CADM2: variants seen among roughly 807,000 people sequenced by gnomAD.
CADM2 encodes cell adhesion molecule 2.
A neutral mutation model predicts 49.8 loss-of-function variants in CADM2; 12 were observed. The observed-to-expected ratio is 0.24, with a 90% CI of 0.15 to 0.39. The LOEUF (loss-of-function observed/expected upper bound fraction) is 0.39. CADM2 is among the 10% of genes least tolerant of loss of function. The probability of loss-of-function intolerance (pLI) is 1.00; values close to 1 mark genes in which losing one functional copy is unlikely to be tolerated. For missense variants in CADM2, 378 were observed against 492.3 expected (o/e 0.77, Z 2.20); for synonymous variants, 214 against 175.4 (o/e 1.22, Z -1.74).
chr3:85,070,975 C>A, intron 1 of CADM2, among the ~76,000 whole-genome samples: 1 of 145,296 alleles, frequency 6.9e-6, no homozygotes, highest in East Asian at 2.0e-4. Context: ...GGCAATAGAG[C>A]GAAACTCTGT....
intron 6 of CADM2, among the ~76,000 whole-genome samples, chr3:85,928,158 A>AT (rs11328574): frequency 0.011 from 1,502 of 130,646 alleles, 16 homozygotes; most frequent in Middle Eastern, 0.024. Context: ...TAAAAGAAGA[A>AT]TTTTTTTTTT....
chr3:85,406,132 C>T (rs1484181812), intron 1 of CADM2, among the ~76,000 whole-genome samples: 2 of 151,944 alleles, frequency 1.3e-5, no homozygotes, highest in African/African-American at 2.4e-5. Context: ...TAGACAATTT[C>T]GTATTTCACT....
At chr3:85,105,951 G>C (rs945549833) in intron 1 of CADM2, among the ~76,000 whole-genome samples, 1 of 151,908 alleles carries the variant, frequency 6.6e-6, no homozygotes, top group Non-Finnish European at 1.5e-5. Context: ...TGGTGGGGTG[G>C]GGGGACGGGG....
intron 1 of CADM2, among the ~76,000 whole-genome samples, chr3:85,080,381 T>C (rs985689046): frequency 2.0e-5 from 3 of 152,006 alleles, no homozygotes; most frequent in Non-Finnish European, 2.9e-5. Flanking sequence ...GTCAGGAAGA[T>C]TTAAATGCTG....
chr3:85,694,152 CAACAGT>C (rs1354014786), intron 1 of CADM2, among the ~76,000 whole-genome samples: 1 of 152,084 alleles, frequency 6.6e-6, no homozygotes, highest in Admixed American at 6.6e-5. Context: ...ACAGCAACAG[CAACAGT>C]GAGTTAAAAT....
At chr3:85,785,514 A>G (rs1324101820) in intron 2 of CADM2, among the ~76,000 whole-genome samples, 1 of 152,078 alleles carries the variant, frequency 6.6e-6, no homozygotes, top group Non-Finnish European at 1.5e-5. Context: ...GCATAGTAGC[A>G]CAATTCTAGG....
intron 1 of CADM2, among the ~76,000 whole-genome samples, chr3:85,547,448 G>GC (rs200097396): frequency 0.011 from 1,711 of 152,058 alleles, 36 homozygotes; most frequent in African/African-American, 0.039. Flanking sequence ...TAATTATTCT[G>GC]CAAGACTTGC....
intron 1 of CADM2, among the ~76,000 whole-genome samples, chr3:85,565,985 C>T (rs1185096554): frequency 6.6e-6 from 1 of 151,930 alleles, no homozygotes; most frequent in African/African-American, 2.4e-5. Flanking sequence ...AATAGTGGCA[C>T]GCTTTAATAA....
intron 1 of CADM2, among the ~76,000 whole-genome samples, chr3:85,045,588 A>T (rs566542384): frequency 6.6e-6 from 1 of 152,214 alleles, no homozygotes; most frequent in South Asian, 2.1e-4. Flanking sequence ...ATCAGTGAAT[A>T]AGGCAGTATA....
At chr3:85,651,669 A>T (rs2065045197) in intron 1 of CADM2, among the ~76,000 whole-genome samples, 1 of 152,194 alleles carries the variant, frequency 6.6e-6, no homozygotes, top group Admixed American at 6.5e-5. Context: ...TTTCTATATA[A>T]TCTCTACTAA....
At chr3:85,639,181 A>G (rs548365067) in intron 1 of CADM2, among the ~76,000 whole-genome samples, 2 of 152,344 alleles carry the variant, frequency 1.3e-5, no homozygotes, top group African/African-American at 4.8e-5. Flanking sequence ...AAACATTACA[A>G]TGATTAAAGA....
chr3:85,275,858 A>AT (rs958959114), intron 1 of CADM2, among the ~76,000 whole-genome samples: 49 of 150,774 alleles, frequency 3.2e-4, no homozygotes, highest in Middle Eastern at 3.4e-3. Context: ...TACAGCACTC[A>AT]TTTTTTTTGA....
At chr3:85,903,177 T>G (rs182113377) in intron 5 of CADM2, among the ~76,000 whole-genome samples, 2 of 152,270 alleles carry the variant, frequency 1.3e-5, no homozygotes, top group East Asian at 3.9e-4. Flanking sequence ...AATAATTGTT[T>G]TACATCATTA....
At chr3:85,160,028 A>T (rs1193498826) in intron 1 of CADM2, among the ~76,000 whole-genome samples, 1 of 152,200 alleles carries the variant, frequency 6.6e-6, no homozygotes, top group African/African-American at 2.4e-5. Context: ...ATATCTGGAT[A>T]TATACATACA....
rs1728536258 is a variant in CADM2 at position 85,989,792 on chromosome 3, A to T, written c.970+28145A>T. 2.0e-5 allele frequency among the ~76,000 whole-genome samples: 3 copies of T among 151,956 alleles called. No individual in the cohort carries two copies. In the South Asian group the frequency reaches 6.2e-4, roughly 32 times the overall value. ...CTTTTGGAGGCTGAGGCAGGCGATC[A>T]CCTGAGGTCAGGAGTTCAAGACCAG... On this transcript the variant is annotated intron_variant, in intron 8 of 9. Coordinates refer to ENST00000383699, the MANE Select transcript of CADM2 (RefSeq NM_001167675.2).
At chr3:85,549,001 A>G (rs889388441) in intron 1 of CADM2, among the ~76,000 whole-genome samples, 3 of 152,358 alleles carry the variant, frequency 2.0e-5, no homozygotes, top group Non-Finnish European at 2.9e-5. Flanking sequence ...ATAGTGCTAC[A>G]TAATAGACGC....
chr3:85,833,855 G>T (rs2074289298), intron 3 of CADM2, among the ~76,000 whole-genome samples: 1 of 151,444 alleles, frequency 6.6e-6, no homozygotes, highest in Middle Eastern at 3.2e-3. Flanking sequence ...GGAGTCTTTT[G>T]TTGTTTCATA....
intron 8 of CADM2, among the ~76,000 whole-genome samples, chr3:86,041,340 T>C (rs1052266285): frequency 5.9e-5 from 9 of 152,064 alleles, no homozygotes; most frequent in African/African-American, 2.2e-4. Context: ...GAAACCCATC[T>C]CACTTGCAGA....
chr3:85,021,664 T>A (rs1442060113), intron 1 of CADM2, among the ~76,000 whole-genome samples: 1 of 151,800 alleles, frequency 6.6e-6, no homozygotes, highest in Non-Finnish European at 1.5e-5. Flanking sequence ...AATCCCAGCT[T>A]CTCGAGAGGC....
Sources: gnomAD v4.1 joint callset for allele counts (sites outside exome capture counted in the v4.1 genomes callset) on GRCh38, gnomAD v4.1.1 for gene constraint, MANE v1.5 for transcripts, NCBI Gene and HGNC (gene_info 2026-07-23, HGNC 2026-07-21) for gene names.